UPB1: variants seen among roughly 807,000 people sequenced by gnomAD.
UPB1 encodes beta-ureidopropionase 1, also known as beta-ureidopropionase.
Under a neutral mutation model 49.1 loss-of-function variants are expected in UPB1, and 40 were observed. That is an observed-to-expected ratio of 0.81 (90% confidence interval 0.63 to 1.06). UPB1 has a LOEUF of 1.06. Among genes scored for constraint, UPB1 ranks in the 50% least tolerant of loss-of-function variants. The pLI, the probability that UPB1 is intolerant of heterozygous loss-of-function variation, is 0.00. For synonymous variants in UPB1, 207 were observed against 198.2 expected (o/e 1.04, Z -0.38); for missense variants, 499 against 505.9 (o/e 0.99, Z 0.13).
In UPB1 at chr22:24,520,618, CTCCTGTTTT is replaced by C. The variant is rs1206493163; in HGVS notation, c.873+152_873+160del. On this transcript the variant is annotated intron_variant, in intron 7 of 9. Transcript: ENST00000326010. ...CGTTACTTTTCAAGATATCTCTGTCCTCCTGTTTTTTCTGTTTTTGTATTTGGCTGAAGC... is the reference window on the plus strand; with the variant it reads ...CGTTACTTTTCAAGATATCTCTGTCCTTCTGTTTTTGTATTTGGCTGAAGC... 5 of 895,642 alleles carry C rather than the reference CTCCTGTTTT, an allele frequency of 5.6e-6. No individual in the cohort carries two copies. In the African/African-American group the frequency reaches 8.4e-5, roughly 15 times the overall value. The allele number at this position is 895,642 out of a possible 1,614,324, so 55.5% of individuals were successfully genotyped here.
intron 7 of UPB1, among the ~76,000 whole-genome samples, chr22:24,521,431 C>T (rs1008505201): frequency 5.9e-5 from 9 of 152,038 alleles, no homozygotes; most frequent in Admixed American, 5.9e-4. Flanking sequence ...GCCGCGGTCG[C>T]ATCATTGCAC....
At chr22:24,514,914 C>T (rs1253723712) in intron 5 of UPB1, among the ~76,000 whole-genome samples, 1 of 152,088 alleles carries the variant, frequency 6.6e-6, no homozygotes, top group Non-Finnish European at 1.5e-5. Flanking sequence ...TGAAACCTCA[C>T]CAGAGTTTGA....
Position 24,525,916 on chromosome 22 carries a change from C to G in UPB1, c.*122C>G, listed in dbSNP as rs913809935. 8 of 1,281,394 alleles carry G rather than the reference C, an allele frequency of 6.2e-6. No individual in the cohort carries two copies. In the African/African-American group the frequency reaches 1.0e-4, roughly 16 times the overall value. The allele number at this position is 1,281,394 out of a possible 1,614,324, so 79.4% of individuals were successfully genotyped here. On this transcript the variant is annotated 3_prime_UTR_variant, in exon 10 of 10. Coordinates refer to ENST00000326010, the MANE Select transcript of UPB1 (RefSeq NM_016327.3). ...CATTGTCCAGGTTGGTTTTAAAATT[C>G]CCAGGCAGGGGGAGAGTGGCATGGG...
intron 3 of UPB1, among the ~76,000 whole-genome samples, chr22:24,509,345 T>A (rs2044149354): frequency 7.3e-6 from 1 of 136,540 alleles, no homozygotes. Flanking sequence ...AATCTGTGTG[T>A]ATGTACCTAC....
chr22:24,495,602 CAG>C, intron 1 of UPB1, 95 bp downstream of exon 1: 2 of 1,374,752 alleles, frequency 1.5e-6, no homozygotes, highest in Non-Finnish European at 2.0e-6. Context: ...CTGAAGGGCT[CAG>C]GGGAGGCGGT....
In UPB1 at chr22:24,512,990, C is replaced by T. The variant is rs573016843; in HGVS notation, c.460-334C>T. Among the ~76,000 whole-genome samples the T allele has an allele frequency of 5.9e-5, 9 of 152,306 alleles. 1 individual carries two copies. In the South Asian group the frequency reaches 8.3e-4, roughly 14 times the overall value. ...TGTGAATAATGCTGCAATGAATATG[C>T]GTTTGCAAATCTCTTCTGCTTTCAA... On this transcript the variant is annotated intron_variant, in intron 4 of 9. Transcript: ENST00000326010.
chr22:24,508,044 T>G (rs1463617571), intron 3 of UPB1, among the ~76,000 whole-genome samples: 1 of 152,164 alleles, frequency 6.6e-6, no homozygotes. Context: ...GGAGCTGTTT[T>G]CTTCTTTCTA....
chr22:24,519,927 G>GC lies in UPB1; in HGVS notation c.792-459dup, dbSNP rs1297032645. 1.2e-4 allele frequency: 34 copies of GC among 278,178 alleles called. No homozygotes were observed. In the East Asian group the frequency reaches 3.1e-3, roughly 25 times the overall value. 17.2% of individuals were successfully genotyped at this position (278,178 alleles called of 1,614,324 possible). ...ACCAGGAGAGGTTCTGCCCAGCCCA[G>GC]CAGGTGGGTTCCAGGAGAAGGGATG... On this transcript the variant is annotated intron_variant, in intron 6 of 9. Coordinates refer to ENST00000326010, the MANE Select transcript of UPB1 (RefSeq NM_016327.3).
chr22:24,520,499 G>A (rs943280832), intron 7 of UPB1, 31 bp downstream of exon 7: 1 of 1,610,234 alleles, frequency 6.2e-7, no homozygotes, highest in Non-Finnish European at 8.5e-7. Flanking sequence ...GGGGAGAGGA[G>A]CCACCACCTG....
intron 7 of UPB1, among the ~76,000 whole-genome samples, chr22:24,521,429 C>T (rs891359451): frequency 3.9e-5 from 6 of 151,902 alleles, no homozygotes; most frequent in South Asian, 2.1e-4. Flanking sequence ...GAGCCGCGGT[C>T]GCATCATTGC....
chr22:24,510,427 A>C (rs945670108), intron 3 of UPB1, among the ~76,000 whole-genome samples: 2 of 152,162 alleles, frequency 1.3e-5, no homozygotes, highest in Admixed American at 1.3e-4. Context: ...CTATCAGTTC[A>C]TCTGTTGATA....
At chr22:24,511,299 A>G (rs1021541856) in intron 4 of UPB1, among the ~76,000 whole-genome samples, 2 of 152,220 alleles carry the variant, frequency 1.3e-5, no homozygotes, top group African/African-American at 4.8e-5. Flanking sequence ...TACATATTGT[A>G]TGATCCCATT....
chr22:24,512,971 T>C (rs559318122), intron 4 of UPB1, among the ~76,000 whole-genome samples: 16 of 152,372 alleles, frequency 1.1e-4, no homozygotes, highest in African/African-American at 3.1e-4. Flanking sequence ...CTATTGTGAA[T>C]AATGCTGCAA....
chr22:24,507,729 C>T (rs2044116362), intron 3 of UPB1, among the ~76,000 whole-genome samples: 1 of 152,118 alleles, frequency 6.6e-6, no homozygotes, highest in South Asian at 2.1e-4. Context: ...ACTAGGTCCA[C>T]CCAACATGGC....
rs780314131 is a variant in UPB1, at chr22:24,495,377, G to T, written c.-27G>T. ...GGCAAAGGGCAGGCAGTTCGTGCGC[G>T]GACACAAGCACTGGCGGACCGTGGC... On this transcript the variant is annotated 5_prime_UTR_variant, in exon 1 of 10. Coordinates refer to ENST00000326010, the MANE Select transcript of UPB1 (RefSeq NM_016327.3). 1.2e-6 allele frequency: 2 copies of T among 1,611,048 alleles called. No individual in the cohort carries two copies. Among genetic ancestry groups the T allele is most frequent in the Non-Finnish European group, 1.7e-6 (2 of 1,179,534 alleles).
At chr22:24,521,735 C>T (rs1042092129) in intron 7 of UPB1, among the ~76,000 whole-genome samples, 1 of 152,178 alleles carries the variant, frequency 6.6e-6, no homozygotes, top group African/African-American at 2.4e-5. Context: ...ATTATGAACT[C>T]CCCAAAGGCA....
intron 9 of UPB1, among the ~76,000 whole-genome samples, chr22:24,524,498 G>A (rs2044449268): frequency 1.3e-5 from 2 of 152,066 alleles, no homozygotes; most frequent in Admixed American, 1.3e-4. Context: ...GTGGAGTAGG[G>A]GGCATGGAGA....
At chr22:24,506,485 T>C (rs770402629) in intron 3 of UPB1, among the ~76,000 whole-genome samples, 2 of 152,194 alleles carry the variant, frequency 1.3e-5, no homozygotes, top group Non-Finnish European at 2.9e-5. Context: ...GCTGAGAGAT[T>C]TGCCTGCATC....
chr22:24,515,467 C>T (rs1288899950), intron 6 of UPB1, 97 bp downstream of exon 6: 19 of 1,537,396 alleles, frequency 1.2e-5, no homozygotes, highest in Non-Finnish European at 9.9e-6. Flanking sequence ...CAGGCAGGCG[C>T]AGCCACCAGG....
Sources: allele counts gnomAD v4.1 joint callset (sites outside exome capture counted in the v4.1 genomes callset), GRCh38; gene constraint gnomAD v4.1.1; transcripts MANE v1.5; gene names NCBI Gene and HGNC (gene_info 2026-07-23, HGNC 2026-07-21).